IQGAP2: variants seen among roughly 807,000 people sequenced by gnomAD.
IQGAP2 encodes IQ motif containing GTPase activating protein 2, also known as ras GTPase-activating-like protein IQGAP2.
In IQGAP2, 173 loss-of-function variants were observed where a neutral mutation model predicts 201.3. The observed-to-expected ratio is 0.86, with a 90% CI of 0.76 to 0.98. The LOEUF (loss-of-function observed/expected upper bound fraction) is 0.98. Among genes scored for constraint, IQGAP2 ranks in the 50% least tolerant of loss-of-function variants. The pLI, the probability that IQGAP2 is intolerant of heterozygous loss-of-function variation, is 0.00. For missense variants in IQGAP2, 1,687 were observed against 1,864.8 expected (o/e 0.90, Z 1.76); for synonymous variants, 675 against 673.9 (o/e 1.00, Z -0.03).
chr5:76,516,882 T>G (rs1471973524), intron 2 of IQGAP2, among the ~76,000 whole-genome samples: 1 of 152,218 alleles, frequency 6.6e-6, no homozygotes, highest in Non-Finnish European at 1.5e-5. Flanking sequence ...AATTTTATTT[T>G]TCATGCCAGA....
At position 76,654,118 on chromosome 5, in the gene IQGAP2, C is replaced by T. The variant is rs1484791521; in HGVS notation, c.2179-82C>T. 8.9e-6 allele frequency: 8 copies of T among 898,378 alleles called. No individual in the cohort carries two copies. In the African/African-American group the frequency reaches 1.2e-4, roughly 13 times the overall value. The allele number at this position is 898,378 out of a possible 1,614,324, so 55.7% of individuals were successfully genotyped here. A position where few individuals can be genotyped will look rare whatever the true frequency, so the allele number is the denominator to read the frequency against. ...TTGTTTTTAGAAAAACTACACAAAACCGTATTACGGGTTGTTTGGTGATTA... is the reference window on the plus strand; with the variant it reads ...TTGTTTTTAGAAAAACTACACAAAATCGTATTACGGGTTGTTTGGTGATTA... On this transcript the variant is annotated intron_variant, in intron 18 of 35. Transcript: ENST00000274364.
chr5:76,677,522 T>A (rs1442772966), intron 28 of IQGAP2, 172 bp downstream of exon 28: 2 of 454,312 alleles, frequency 4.4e-6, no homozygotes, highest in East Asian at 7.1e-5. Flanking sequence ...TTAATAAAAC[T>A]CCTTCTCCCA....
intron 2 of IQGAP2, among the ~76,000 whole-genome samples, chr5:76,496,556 G>A (rs1257487257): frequency 6.6e-6 from 1 of 152,150 alleles, no homozygotes; most frequent in African/African-American, 2.4e-5. Context: ...GGTTCTGTCT[G>A]TACTCAGGGA....
chr5:76,469,419 G>A (rs371217927), intron 2 of IQGAP2, among the ~76,000 whole-genome samples: 29 of 149,830 alleles, frequency 1.9e-4, no homozygotes, highest in African/African-American at 5.4e-4. Context: ...TTTTTGAGAC[G>A]TAGTGTCACT....
intron 2 of IQGAP2, among the ~76,000 whole-genome samples, chr5:76,526,960 G>A (rs545289842): frequency 2.0e-5 from 3 of 152,174 alleles, no homozygotes; most frequent in Non-Finnish European, 4.4e-5. Flanking sequence ...ATGATGCTGG[G>A]CAGCTCTTCC....
chr5:76,489,126 G>A (rs887051590), intron 2 of IQGAP2, among the ~76,000 whole-genome samples: 4 of 152,074 alleles, frequency 2.6e-5, no homozygotes, highest in Admixed American at 6.5e-5. Context: ...CTCTCCCTCC[G>A]TGCCTCGCAG....
intron 1 of IQGAP2, among the ~76,000 whole-genome samples, chr5:76,421,525 G>A (rs1751727922): frequency 1.3e-5 from 2 of 152,150 alleles, no homozygotes; most frequent in South Asian, 4.1e-4. Flanking sequence ...GCTGAGATGG[G>A]AGGATCACTT....
At chr5:76,696,445 G>T (rs1398828988) in intron 32 of IQGAP2, among the ~76,000 whole-genome samples, 2 of 152,210 alleles carry the variant, frequency 1.3e-5, no homozygotes, top group African/African-American at 4.8e-5. Context: ...TTAGTGCAAT[G>T]AAACATCACA....
Position 76,522,651 on chromosome 5 carries a change from G to A in IQGAP2, c.147-39745G>A, listed in dbSNP as rs567507127. ...GCAGCACTCAAAATGAATTTACAAC[G>A]TGACAGTGTATGATTCATTCTAAAA... On this transcript the variant is annotated intron_variant, in intron 2 of 35. Coordinates refer to ENST00000274364, the MANE Select transcript of IQGAP2 (RefSeq NM_006633.5). Among the ~76,000 whole-genome samples, 33 of 152,302 alleles carry A rather than the reference G, an allele frequency of 2.2e-4. No individual in the cohort carries two copies. In the South Asian group the frequency reaches 2.7e-3, roughly 12 times the overall value.
At chr5:76,460,726 C>T (rs969441217) in intron 1 of IQGAP2, among the ~76,000 whole-genome samples, 12 of 151,988 alleles carry the variant, frequency 7.9e-5, no homozygotes, top group East Asian at 1.9e-4. Context: ...TGTTGACACC[C>T]GTTGGTATCA....
In IQGAP2 at chr5:76,707,209, CA is replaced by C. The variant is rs752185372; in HGVS notation, c.4625del (p.Gln1542ArgfsTer7). 7.1e-7 allele frequency: 1 copy of C among 1,418,368 alleles called. No homozygotes were observed. Among genetic ancestry groups the C allele is most frequent in the Non-Finnish European group, 1.0e-6 (1 of 1,003,874 alleles). The allele number at this position is 1,418,368 out of a possible 1,614,324, so 87.9% of individuals were successfully genotyped here. A position where few individuals can be genotyped will look rare whatever the true frequency, so the allele number is the denominator to read the frequency against. On this transcript the variant is annotated frameshift_variant, in exon 36 of 36. Transcript: ENST00000274364. LOFTEE classifies it high-confidence loss of function. ...KVQLNIQDLLQMQYEGVAVMK... is the reference protein window; with the variant it reads ...KVQLNIQDLLXMQYEGVAVMK... The stretch of plus-strand genomic sequence containing the variant: ...CTTTTTACAATTTCAGGATTTACTT[CA>C]GATGCAATATGAAGGAGTAGCTGTA...
intron 2 of IQGAP2, among the ~76,000 whole-genome samples, chr5:76,482,143 CT>C (rs1387704567): frequency 6.6e-6 from 1 of 152,196 alleles, no homozygotes; most frequent in African/African-American, 2.4e-5. Flanking sequence ...GGGATGCATT[CT>C]TTTTCTTCTG....
At chr5:76,590,362 CT>C in intron 7 of IQGAP2, 45 bp from the exon 8 acceptor site, 1 of 1,481,456 alleles carries the variant, frequency 6.8e-7, no homozygotes, top group African/African-American at 1.4e-5. Context: ...TCCATGTTGT[CT>C]TTTGCTGATA....
intron 2 of IQGAP2, among the ~76,000 whole-genome samples, chr5:76,477,951 C>T (rs2150141509): frequency 6.6e-6 from 1 of 152,120 alleles, no homozygotes; most frequent in South Asian, 2.1e-4. Flanking sequence ...TATTTTTGTA[C>T]AGCAGTAAAA....
At chr5:76,547,839 G>T (rs547135473) in intron 2 of IQGAP2, among the ~76,000 whole-genome samples, 2 of 152,298 alleles carry the variant, frequency 1.3e-5, no homozygotes, top group South Asian at 2.1e-4. Context: ...CCATTTTTGA[G>T]CTCAGTTCTC....
intron 14 of IQGAP2, among the ~76,000 whole-genome samples, chr5:76,629,441 C>T (rs1024525153): frequency 6.6e-6 from 1 of 152,128 alleles, no homozygotes; most frequent in African/African-American, 2.4e-5. Flanking sequence ...TAACTCAAGT[C>T]CCTTTCATTT....
chr5:76,478,797 G>A lies in IQGAP2; in HGVS notation c.146+17128G>A, dbSNP rs139640300. Among the ~76,000 whole-genome samples, 595 of 152,186 alleles carry A rather than the reference G, an allele frequency of 3.9e-3. 3 individuals are homozygous for A. The highest frequency in any genetic ancestry group is 6.5e-3 in the Non-Finnish European group (441 of 68,016). Reference sequence around the variant, plus strand: ...CACTCTGTGATGTTTGCGCAATGACGGAATCACCTAATGACATACTTCTCA... The same window carrying A: ...CACTCTGTGATGTTTGCGCAATGACAGAATCACCTAATGACATACTTCTCA... On this transcript the variant is annotated intron_variant, in intron 2 of 35. Transcript: ENST00000274364.
At chr5:76,671,125 G>A (rs952449084) in intron 23 of IQGAP2, among the ~76,000 whole-genome samples, 2 of 152,024 alleles carry the variant, frequency 1.3e-5, no homozygotes, top group African/African-American at 4.8e-5. Context: ...GCTGGGCATG[G>A]TGGCATGTGC....
rs1250228605 is a variant in IQGAP2, at chr5:76,592,837, G to A, written c.820-1G>A. On this transcript the variant is annotated splice_acceptor_variant, in intron 8 of 35. Transcript: ENST00000274364. LOFTEE classifies it high-confidence loss of function. ...AAATCAGTGAAGACTTTGTTTTGCA[G>A]AATAGCTGTATTTCAGAAGAAGAAA... 6.3e-7 allele frequency: 1 copy of A among 1,596,346 alleles called. No individual in the cohort carries two copies. Among genetic ancestry groups the A allele is most frequent in the Non-Finnish European group, 8.6e-7 (1 of 1,164,530 alleles).
Sources: allele counts gnomAD v4.1 joint callset (sites outside exome capture counted in the v4.1 genomes callset), GRCh38; gene constraint gnomAD v4.1.1; transcripts MANE v1.5; gene names NCBI Gene and HGNC (gene_info 2026-07-23, HGNC 2026-07-21).